Variants in NUP93 observed in about 807,000 individuals in gnomAD.
The protein encoded by NUP93 is nucleoporin 93.
A neutral mutation model predicts 107.8 loss-of-function variants in NUP93; 55 were observed. The observed-to-expected ratio is 0.51, with a 90% CI of 0.41 to 0.64. The LOEUF is 0.64. Ranked by LOEUF, NUP93 falls within the 30% of genes least tolerant of loss-of-function variation. The probability of loss-of-function intolerance (pLI) is 0.00; values close to 1 mark genes in which losing one functional copy is unlikely to be tolerated. For missense variants in NUP93, 937 were observed against 1,044.7 expected, an observed-to-expected ratio of 0.90 and a Z score of 1.42; for synonymous variants, 390 against 397.5, an observed-to-expected ratio of 0.98 and a Z score of 0.22.
intron 17 of NUP93, 146 bp from the exon 18 acceptor site, chr16:56,837,462 C>G: frequency 1.6e-6 from 1 of 611,092 alleles, no homozygotes; most frequent in Non-Finnish European, 2.9e-6. Flanking sequence ...GCTCAGGAGG[C>G]TGAGGCACGA....
chr16:56,745,996 C>T (rs1567374009), intron 1 of NUP93, among the ~76,000 whole-genome samples: 1 of 151,888 alleles, frequency 6.6e-6, no homozygotes, highest in Non-Finnish European at 1.5e-5. Context: ...TTTCTTTCTT[C>T]CTTTATCTTT....
At chr16:56,793,007 G>T (rs1032338509) in intron 3 of NUP93, among the ~76,000 whole-genome samples, 1 of 152,218 alleles carries the variant, frequency 6.6e-6, no homozygotes, top group Non-Finnish European at 1.5e-5. Flanking sequence ...AAATGGGGCA[G>T]GGGATGGGGA....
rs71149699 is a variant in NUP93 at position 56,803,747 on chromosome 16, AAT to A, written c.361-1738_361-1737del. 3.9e-3 allele frequency among the ~76,000 whole-genome samples: 580 copies of A among 149,648 alleles called. 3 individuals carry two copies. The highest frequency in any genetic ancestry group is 0.01 in the African/African-American group (425 of 40,722). On this transcript the variant is annotated intron_variant, in intron 4 of 21. Coordinates refer to ENST00000308159, the MANE Select transcript of NUP93 (RefSeq NM_014669.5). Reference sequence around the variant, plus strand: ...TGGTTACAAGCAAAAAACAGGGAAAAATATATATATATATATATATGGTTTTT... The same window carrying A: ...TGGTTACAAGCAAAAAACAGGGAAAAATATATATATATATATATGGTTTTT...
chr16:56,778,949 GA>G (rs1159756274), intron 3 of NUP93, among the ~76,000 whole-genome samples: 1 of 152,140 alleles, frequency 6.6e-6, no homozygotes, highest in African/African-American at 2.4e-5. Flanking sequence ...TCAGTGAGGA[GA>G]AGAAGCCAGG....
At chr16:56,738,773 C>A (rs1252409416) in intron 1 of NUP93, among the ~76,000 whole-genome samples, 3 of 152,024 alleles carry the variant, frequency 2.0e-5, no homozygotes, top group Non-Finnish European at 4.4e-5. Context: ...AGAACAGAAT[C>A]AGTATTAAAC....
chr16:56,793,837 G>A (rs1373498582), intron 3 of NUP93, among the ~76,000 whole-genome samples: 2 of 152,118 alleles, frequency 1.3e-5, no homozygotes, highest in East Asian at 3.9e-4. Flanking sequence ...GGCAGATCAC[G>A]ATGTCAGGAG....
chr16:56,790,131 A>AC (rs397695128), intron 3 of NUP93, among the ~76,000 whole-genome samples: 4 of 150,654 alleles, frequency 2.7e-5, no homozygotes, highest in African/African-American at 7.3e-5. Context: ...ACAAAACAAA[A>AC]AAACAAGCAG....
intron 20 of NUP93, among the ~76,000 whole-genome samples, chr16:56,840,504 A>T (rs1367685915): frequency 1.3e-5 from 2 of 152,060 alleles, no homozygotes; most frequent in Admixed American, 1.3e-4. Context: ...CACCCCAGAG[A>T]TTCTGTTTTC....
chr16:56,770,917 AAG>A (rs1177378704), intron 3 of NUP93, among the ~76,000 whole-genome samples: 2 of 151,926 alleles, frequency 1.3e-5, no homozygotes, highest in Admixed American at 1.3e-4. Context: ...TAAAAAAAAA[AAG>A]AAAAAAACAC....
intron 1 of NUP93, among the ~76,000 whole-genome samples, chr16:56,737,470 C>T (rs141535674): frequency 7.7e-4 from 117 of 152,308 alleles, no homozygotes; most frequent in African/African-American, 1.9e-3. Context: ...TGAGAGAATA[C>T]AGTTCAGTCC....
intron 3 of NUP93, among the ~76,000 whole-genome samples, chr16:56,794,086 G>GA (rs1962831669): frequency 3.7e-5 from 5 of 135,718 alleles, no homozygotes; most frequent in East Asian, 2.4e-4. Context: ...AGGTAGGTAG[G>GA]TAGGTAGATA....
At chr16:56,773,932 C>G (rs1215614960) in intron 3 of NUP93, among the ~76,000 whole-genome samples, 2 of 152,122 alleles carry the variant, frequency 1.3e-5, no homozygotes, top group Non-Finnish European at 2.9e-5. Flanking sequence ...TTTGCTTCAT[C>G]AAGGACATAG....
intron 8 of NUP93, among the ~76,000 whole-genome samples, chr16:56,827,069 A>AAAAAAAAAAATT (rs1430722800): frequency 8.0e-6 from 1 of 125,662 alleles, no homozygotes; most frequent in Non-Finnish European, 1.7e-5. Context: ...AAAAAAAAAA[A>AAAAAAAAAAATT]TTTTGTTGAG....
chr16:56,750,544 G>C (rs368786693), intron 2 of NUP93, among the ~76,000 whole-genome samples: 1 of 152,116 alleles, frequency 6.6e-6, no homozygotes, highest in Non-Finnish European at 1.5e-5. Context: ...CTTTTTTTAC[G>C]TGTGTGGTTT....
intron 3 of NUP93, among the ~76,000 whole-genome samples, chr16:56,790,508 A>G (rs1421632657): frequency 1.3e-5 from 2 of 152,190 alleles, no homozygotes; most frequent in Non-Finnish European, 2.9e-5. Flanking sequence ...CTCTCCAGGT[A>G]CTGGTAGGAT....
intron 3 of NUP93, among the ~76,000 whole-genome samples, chr16:56,761,474 T>C (rs1482005183): frequency 1.3e-5 from 2 of 152,246 alleles, no homozygotes; most frequent in African/African-American, 2.4e-5. Flanking sequence ...TTTTTTTCAT[T>C]TATTTTAATT....
intron 3 of NUP93, among the ~76,000 whole-genome samples, chr16:56,766,650 A>G (rs560763725): frequency 6.6e-6 from 1 of 152,188 alleles, no homozygotes; most frequent in Non-Finnish European, 1.5e-5. Context: ...TGCTTGCCAC[A>G]GCACCTTGTG....
chr16:56,811,275 T>A (rs1234803270), intron 5 of NUP93, among the ~76,000 whole-genome samples: 1 of 152,362 alleles, frequency 6.6e-6, no homozygotes, highest in East Asian at 1.9e-4. Context: ...ACACTTGATG[T>A]TTTCTGTCTT....
At position 56,830,516 on chromosome 16, in the gene NUP93, T is replaced by TCGG. The variant is rs764862451; in HGVS notation, c.928-12_928-11insCGG. On this transcript the variant is annotated splice_polypyrimidine_tract_variant and intron_variant, in intron 9 of 21. Transcript: ENST00000308159. ...CTTGTTTATTTTGAGCACTTAACTGTTCCTCTTTTAGGATGGAGAGGTGGA... is the reference window on the plus strand; with the variant it reads ...CTTGTTTATTTTGAGCACTTAACTGTCGGTCCTCTTTTAGGATGGAGAGGTGGA... The TCGG allele has an allele frequency of 1.3e-6, 2 of 1,560,048 alleles. No homozygotes were observed. The highest frequency in any genetic ancestry group is 4.6e-5 in the East Asian group (2 of 43,776).
Sources: allele counts gnomAD v4.1 joint callset (sites outside exome capture counted in the v4.1 genomes callset), GRCh38; gene constraint gnomAD v4.1.1; transcripts MANE v1.5; gene names NCBI Gene and HGNC (gene_info 2026-07-23, HGNC 2026-07-21).